The following AP1G1 variants were observed in gnomAD, a reference collection of about 807,000 sequenced individuals.
The protein encoded by AP1G1 is adaptor related protein complex 1 subunit gamma 1, also known as AP-1 complex subunit gamma-1.
Under a neutral mutation model 108.3 loss-of-function variants are expected in AP1G1, and 7 were observed. That is an observed-to-expected ratio of 0.06 (90% CI 0.04 to 0.12). The LOEUF (loss-of-function observed/expected upper bound fraction) is 0.12, where lower values mean the gene tolerates loss of function less well. Ranked by LOEUF, AP1G1 falls within the 10% of genes least tolerant of loss-of-function variation. The pLI is 1.00. For synonymous variants in AP1G1, 379 were observed against 353.5 expected (o/e 1.07, Z -0.81); for missense variants, 756 against 1,010.7 (o/e 0.75, Z 3.42).
intron 21 of AP1G1, among the ~76,000 whole-genome samples, chr16:71,735,354 G>C (rs2045520433): frequency 6.6e-6 from 1 of 152,190 alleles, no homozygotes; most frequent in Non-Finnish European, 1.5e-5. Context: ...TTATTTGCTT[G>C]CTTATAGAAA....
At chr16:71,760,484 G>T (rs1480658270) in intron 10 of AP1G1, among the ~76,000 whole-genome samples, 1 of 150,618 alleles carries the variant, frequency 6.6e-6, no homozygotes, top group Non-Finnish European at 1.5e-5. Flanking sequence ...GGCGGAGGTT[G>T]CAGTGAGCCA....
In AP1G1 at chr16:71,753,860, T is replaced by C; in HGVS notation, c.1257A>G (p.Ile419Met). Residue 419 changes from isoleucine (I) to methionine (M), a missense_variant, in exon 13 of 23, where the codon ATA becomes ATG. Ile to Met is a conservative substitution (Grantham distance 10). Transcript: ENST00000299980. ...EKYAPSKRWH[I>M]DTIMRVLTTA... ...TTGTCAAAACACGCATAATTGTGTC[T>C]ATATGCCATCGTTTGGAAGGTGCAT... is the stretch of plus-strand genomic sequence containing the variant. The C allele has an allele frequency of 6.2e-7, 1 of 1,614,124 alleles. No homozygotes were observed. Among genetic ancestry groups the C allele is most frequent in the African/African-American group, 1.3e-5 (1 of 75,040 alleles).
intron 1 of AP1G1, chr16:71,808,200 A>ACAT: frequency 3.0e-6 from 3 of 985,478 alleles, no homozygotes; most frequent in Non-Finnish European, 3.6e-6. Flanking sequence ...AAAAAACAAA[A>ACAT]CAACAACATA....
chr16:71,782,528 C>G lies in AP1G1; in HGVS notation c.201+6751G>C, dbSNP rs574003809. On this transcript the variant is annotated intron_variant, in intron 2 of 22. Transcript: ENST00000299980. The stretch of plus-strand genomic sequence containing the variant: ...TTGAGATGGAGTCTCGCTCTGTTGC[C>G]CAGGGTGGAGTGCAGTGGCGCAGTC... Among the ~76,000 whole-genome samples, 139 of 151,450 alleles carry G rather than the reference C, an allele frequency of 9.2e-4. 2 individuals carry two copies. The Middle Eastern group carries it at 0.014, about 15-fold the overall frequency.
At chr16:71,775,772 T>C (rs2031759410) in intron 2 of AP1G1, among the ~76,000 whole-genome samples, 1 of 152,138 alleles carries the variant, frequency 6.6e-6, no homozygotes, top group South Asian at 2.1e-4. Context: ...GGTTTAGGAA[T>C]CCAATACAGA....
intron 1 of AP1G1, among the ~76,000 whole-genome samples, chr16:71,795,131 C>T (rs903272519): frequency 3.3e-5 from 5 of 152,010 alleles, no homozygotes; most frequent in African/African-American, 7.2e-5. Flanking sequence ...GCCCAGATAA[C>T]GTTCTCCCTG....
At chr16:71,798,333 G>A (rs2032659569) in intron 1 of AP1G1, among the ~76,000 whole-genome samples, 1 of 152,122 alleles carries the variant, frequency 6.6e-6, no homozygotes, top group Non-Finnish European at 1.5e-5. Context: ...CGAGTAGCCA[G>A]GACTATAGGC....
At chr16:71,785,575 CAAAAAAA>C (rs71389702) in intron 2 of AP1G1, among the ~76,000 whole-genome samples, 1 of 73,130 alleles carries the variant, frequency 1.4e-5, no homozygotes, top group Admixed American at 1.6e-4. Flanking sequence ...AACCCTGCCT[CAAAAAAA>C]AAAAAAAAAA....
intron 10 of AP1G1, among the ~76,000 whole-genome samples, chr16:71,760,595 A>C (rs2031039177): frequency 6.6e-6 from 1 of 151,410 alleles, no homozygotes; most frequent in Non-Finnish European, 1.5e-5. Flanking sequence ...CCTAGACTGG[A>C]ATGCAGTGGC....
chr16:71,740,659 A>G (rs1393694781), intron 19 of AP1G1, among the ~76,000 whole-genome samples: 2 of 152,246 alleles, frequency 1.3e-5, no homozygotes, highest in Non-Finnish European at 2.9e-5. Flanking sequence ...AAAGGTGCAA[A>G]AAAGAACACA....
intron 3 of AP1G1, among the ~76,000 whole-genome samples, chr16:71,773,919 C>T (rs889171795): frequency 5.9e-5 from 9 of 151,354 alleles, no homozygotes; most frequent in East Asian, 4.1e-4. Flanking sequence ...CACGCCACCA[C>T]GTCCCATTAA....
intron 22 of AP1G1, among the ~76,000 whole-genome samples, chr16:71,733,687 G>C (rs948461351): frequency 2.0e-5 from 3 of 152,042 alleles, no homozygotes; most frequent in Non-Finnish European, 4.4e-5. Flanking sequence ...ATTTTGCTGA[G>C]TCCTTTTCAA....
chr16:71,765,609 A>G (rs1480276885), intron 6 of AP1G1, 25 bp from the exon 7 acceptor site: 5 of 1,548,350 alleles, frequency 3.2e-6, no homozygotes, highest in East Asian at 2.2e-5. Flanking sequence ...GATGCATCAA[A>G]AAACAGTGAA....
intron 21 of AP1G1, 124 bp downstream of exon 21, chr16:71,738,814 TGTTA>T (rs1385398245): frequency 1.1e-5 from 9 of 826,486 alleles, no homozygotes; most frequent in Non-Finnish European, 1.7e-5. Flanking sequence ...GCTACATTAT[TGTTA>T]GTTTGAATTA....
Position 71,732,247 on chromosome 16 carries a change from T to C in AP1G1, c.*811A>G, listed in dbSNP as rs1039380916. ...CTTTAAAGGGAATCAATTTTGAAAA[T>C]CATGGAGACTATTCATGACTACAGC... On this transcript the variant is annotated 3_prime_UTR_variant, in exon 23 of 23. Transcript: ENST00000299980. The C allele has an allele frequency of 1.3e-5, 2 of 152,476 alleles. No individual in the cohort carries two copies. The highest frequency in any genetic ancestry group is 4.8e-5 in the African/African-American group (2 of 41,420). The allele number at this position is 152,476 out of a possible 1,614,324, so 9.4% of individuals were successfully genotyped here. A position where few individuals can be genotyped will look rare whatever the true frequency, so the allele number is the denominator to read the frequency against.
At position 71,769,697 on chromosome 16, in the gene AP1G1, C is replaced by T. The variant is rs2031495941; in HGVS notation, c.568G>A (p.Val190Ile). 6 of 1,612,450 alleles carry T rather than the reference C, an allele frequency of 3.7e-6. No homozygotes were observed. The highest frequency in any genetic ancestry group is 1.7e-5 in the Admixed American group (1 of 59,960). Residue 190 changes from valine to isoleucine, a missense_variant and splice_region_variant, in exon 6 of 23, where the codon GTC becomes ATC. This residue lies in a region of AP1G1 where 304 missense variants were observed against 483.6 expected (regional missense o/e 0.63). Coordinates refer to ENST00000299980, the MANE Select transcript of AP1G1 (RefSeq NM_001128.6). ...AGGAGGACTACAGATGTGTGGAGGA[C>T]ACCTGAAAGAAAAGATCAAAGGAAA... The part of the protein sequence containing the change: ...KNLLNEKNHG[V>I]LHTSVVLLTE...
At chr16:71,743,602 CAAAA>C (rs60790948) in intron 19 of AP1G1, 3 of 113,974 alleles carry the variant, frequency 2.6e-5, no homozygotes, top group South Asian at 2.9e-4. Context: ...GACTCTGTCT[CAAAA>C]AAAAAAAAAA....
At chr16:71,806,581 A>AAG (rs2033004409) in intron 1 of AP1G1, 1 of 666,188 alleles carries the variant, frequency 1.5e-6, no homozygotes, top group Admixed American at 3.7e-5. Flanking sequence ...AGCATGAAAA[A>AAG]CACTGAGTTA....
In AP1G1 at chr16:71,758,882, T is replaced by G; in HGVS notation, c.1014A>C (p.Thr338=). 6.2e-7 allele frequency: 1 copy of G among 1,611,138 alleles called. No individual in the cohort carries two copies. The highest frequency in any genetic ancestry group is 1.3e-5 in the African/African-American group (1 of 74,910). The change falls in exon 11 of 23, where the codon ACA becomes ACC. Residue 338 remains threonine (T), a synonymous_variant. Transcript: ENST00000299980. ...TGTGCCTCTGTACTGCATTATGATCTGTCTGTACAGTCTTCAACAAAGATG... is the reference window on the plus strand; with the variant it reads ...TGTGCCTCTGTACTGCATTATGATCGGTCTGTACAGTCTTCAACAAAGATG... ...ALTSLLKTVQ[T]DHNAVQRHRS...
Sources: allele counts gnomAD v4.1 joint callset (sites outside exome capture counted in the v4.1 genomes callset), GRCh38; gene constraint gnomAD v4.1.1; regional missense constraint gnomAD v4.1.1; transcripts MANE v1.5; gene names NCBI Gene and HGNC (gene_info 2026-07-23, HGNC 2026-07-21).